LYST: variants seen among roughly 807,000 people sequenced by gnomAD.
LYST encodes lysosomal-trafficking regulator.
Under a neutral mutation model 413.6 loss-of-function variants are expected in LYST, and 192 were observed. That is an observed-to-expected ratio of 0.46 (90% confidence interval 0.41 to 0.52). The LOEUF (loss-of-function observed/expected upper bound fraction) is 0.52. Among genes scored for constraint, LYST ranks in the 20% least tolerant of loss-of-function variants. LYST has a pLI of 0.00. For synonymous variants in LYST, 1,525 were observed against 1,567.3 expected (o/e 0.97, Z 0.64); for missense variants, 3,815 against 4,499.9 (o/e 0.85, Z 4.35).
At chr1:235,689,090 G>C (rs1668816948) in intron 47 of LYST, among the ~76,000 whole-genome samples, 2 of 150,798 alleles carry the variant, frequency 1.3e-5, no homozygotes, top group East Asian at 1.9e-4. Flanking sequence ...AGAATTAATG[G>C]GTGAACAAAA....
At chr1:235,881,845 C>T (rs1489286583) in intron 1 of LYST, among the ~76,000 whole-genome samples, 1 of 151,840 alleles carries the variant, frequency 6.6e-6, no homozygotes, top group East Asian at 1.9e-4. Flanking sequence ...GAATGGTGGT[C>T]GCCAGAAGCT....
At chr1:235,861,708 TG>T (rs1679897292) in intron 1 of LYST, among the ~76,000 whole-genome samples, 1 of 152,194 alleles carries the variant, frequency 6.6e-6, no homozygotes, top group Non-Finnish European at 1.5e-5. Flanking sequence ...TTGCCCAGGC[TG>T]GACTCGAACC....
chr1:235,715,278 T>TGGGAG lies in LYST; in HGVS notation c.9702_9706dup (p.His3236ProfsTer25). ...AAGCACAGTGCCGCTATTGGAATAGTGGGAGCCATAGTGATAGGGCTGCAC... is the reference window on the plus strand; with the variant it reads ...AAGCACAGTGCCGCTATTGGAATAGTGGGAGGGGAGCCATAGTGATAGGGCTGCAC... On this transcript the variant is annotated frameshift_variant, in exon 42 of 53. Coordinates refer to ENST00000389793, the MANE Select transcript of LYST (RefSeq NM_000081.4). LOFTEE classifies it high-confidence loss of function. 1 of 1,613,662 alleles carries TGGGAG rather than the reference T, an allele frequency of 6.2e-7. No individual in the cohort carries two copies. Among genetic ancestry groups the TGGGAG allele is most frequent in the Non-Finnish European group, 8.5e-7 (1 of 1,179,618 alleles).
At chr1:235,770,066 AGTCCCATTG>A in intron 20 of LYST, 85 bp downstream of exon 20, 1 of 1,133,692 alleles carries the variant, frequency 8.8e-7, no homozygotes, top group Non-Finnish European at 1.3e-6. Flanking sequence ...AAAGAAAAAA[AGTCCCATTG>A]AAAGTGCCAC....
At position 235,800,323 on chromosome 1, in the gene LYST, GA is replaced by G; in HGVS notation, c.4002del (p.Gln1335LysfsTer14). Reference protein sequence around the residue: ...LSILTQDDSDFQACQRVLVDL... With the variant: ...LSILTQDDSDXQACQRVLVDL... ...GTTTAAAACAGTTTCAACTTACCTT[GA>G]AAATCAGAATCATCCTGTGTTAAAA... On this transcript the variant is annotated frameshift_variant, in exon 10 of 53. Coordinates refer to ENST00000389793, the MANE Select transcript of LYST (RefSeq NM_000081.4). LOFTEE classifies it high-confidence loss of function. 2 of 1,572,924 alleles carry G rather than the reference GA, an allele frequency of 1.3e-6. No individual in the cohort carries two copies. Among genetic ancestry groups the G allele is most frequent in the Non-Finnish European group, 1.7e-6 (2 of 1,142,952 alleles).
In LYST at chr1:235,706,207, C is replaced by T. The variant is rs76603874; in HGVS notation, c.10143+2884G>A. ...TTTAGGACACACAACCCCAAAATTT[C>T]GTACCCTGGCATACTGAAGGAATCT... is the stretch of plus-strand genomic sequence containing the variant. On this transcript the variant is annotated intron_variant, in intron 44 of 52. Transcript: ENST00000389793. Among the ~76,000 whole-genome samples the T allele has an allele frequency of 2.6e-3, 400 of 152,268 alleles. 2 individuals are homozygous for T. The highest frequency in any genetic ancestry group is 9.1e-3 in the African/African-American group (377 of 41,550).
At chr1:235,875,468 T>C (rs1161442752) in intron 1 of LYST, among the ~76,000 whole-genome samples, 1 of 152,178 alleles carries the variant, frequency 6.6e-6, no homozygotes, top group Non-Finnish European at 1.5e-5. Flanking sequence ...TAACACAATA[T>C]TCTGACTCTC....
chr1:235,686,902 C>G lies in LYST; in HGVS notation c.10800+47G>C. 1.5e-6 allele frequency: 2 copies of G among 1,347,340 alleles called. No individual in the cohort carries two copies. The highest frequency in any genetic ancestry group is 2.1e-6 in the Non-Finnish European group (2 of 936,474). 83.5% of individuals were successfully genotyped at this position (1,347,340 alleles called of 1,614,324 possible). A position where few individuals can be genotyped will look rare whatever the true frequency, so the allele number is the denominator to read the frequency against. ...TATACTTCATAAAGGCTTTCTTCCCCTCATTGACAAAGTCCCATACTACCC... is the reference window on the plus strand; with the variant it reads ...TATACTTCATAAAGGCTTTCTTCCCGTCATTGACAAAGTCCCATACTACCC... On this transcript the variant is annotated intron_variant, in intron 48 of 52. Coordinates refer to ENST00000389793, the MANE Select transcript of LYST (RefSeq NM_000081.4). This position sits in a 1 kb window ranked among gnomAD's most constrained non-coding sequence, Gnocchi z 4.0.
chr1:235,738,612 A>T, intron 31 of LYST: 1 of 1,608,698 alleles, frequency 6.2e-7, no homozygotes, highest in Non-Finnish European at 8.5e-7. Context: ...GAGTAAAGCA[A>T]ATGTTACTGG....
intron 45 of LYST, among the ~76,000 whole-genome samples, chr1:235,702,328 G>A (rs1277580024): frequency 6.6e-6 from 1 of 152,250 alleles, no homozygotes; most frequent in East Asian, 1.9e-4. Context: ...CAAAACATCC[G>A]CATCACTGGT....
chr1:235,799,385 C>T (rs186148683), intron 10 of LYST, among the ~76,000 whole-genome samples: 121 of 152,236 alleles, frequency 7.9e-4, no homozygotes, highest in Admixed American at 1.8e-3. Context: ...AAAATAGTAA[C>T]TTTACAATAG....
In LYST at chr1:235,715,381, G is replaced by A. The variant is rs755421451; in HGVS notation, c.9628-24C>T. 2.5e-6 allele frequency: 4 copies of A among 1,612,558 alleles called. No individual in the cohort carries two copies. In the South Asian group the frequency reaches 4.4e-5, roughly 18 times the overall value. ...TACTGAAAGAAACGGTGAATCCAGA[G>A]AATTCATGATTGTGGGCTCCAGGCA... On this transcript the variant is annotated intron_variant, in intron 41 of 52. Transcript: ENST00000389793.
At position 235,715,313 on chromosome 1, in the gene LYST, G is replaced by A; in HGVS notation, c.9672C>T (p.Pro3224=). The change falls in exon 42 of 53, where the codon CCC becomes CCT. Residue 3224 remains proline (P), a synonymous_variant. Transcript: ENST00000389793. ...EYRKGAREDD[P]MPPVQPYHYG... is the part of the protein sequence containing the mutation. ...AGTGATAGGGCTGCACGGGAGGCAT[G>A]GGGTCATCTTCTCTGGCTCCTTTGC... 3 of 1,613,972 alleles carry A rather than the reference G, an allele frequency of 1.9e-6. No homozygotes were observed. Among genetic ancestry groups the A allele is most frequent in the Non-Finnish European group, 2.5e-6 (3 of 1,179,896 alleles).
At chr1:235,840,739 T>C (rs1401512141) in intron 1 of LYST, among the ~76,000 whole-genome samples, 1 of 152,182 alleles carries the variant, frequency 6.6e-6, no homozygotes, top group Non-Finnish European at 1.5e-5. Context: ...GAAGACACAT[T>C]TTATGGAGAA....
chr1:235,838,636 T>C (rs986965003), intron 1 of LYST, among the ~76,000 whole-genome samples: 7 of 152,244 alleles, frequency 4.6e-5, no homozygotes, highest in African/African-American at 1.7e-4. Context: ...CACAGGCTTC[T>C]ACAAGTTTTC....
chr1:235,860,029 G>A (rs1679675005), intron 1 of LYST, among the ~76,000 whole-genome samples: 3 of 152,084 alleles, frequency 2.0e-5, no homozygotes, highest in Non-Finnish European at 4.4e-5. Flanking sequence ...TAAGCACTTG[G>A]CAAGCTGGTC....
intron 23 of LYST, 97 bp downstream of exon 23, chr1:235,758,875 T>G: frequency 9.8e-7 from 1 of 1,024,394 alleles, no homozygotes; most frequent in African/African-American, 1.6e-5. Flanking sequence ...GTTTGTTGTA[T>G]TATAAGTGGC....
At chr1:235,725,724 T>C (rs1276926026) in intron 38 of LYST, among the ~76,000 whole-genome samples, 2 of 152,100 alleles carry the variant, frequency 1.3e-5, no homozygotes, top group Admixed American at 6.5e-5. Context: ...CCCCACTCAC[T>C]AAATGTAAGC....
At chr1:235,750,563 A>G (rs1666386659) in intron 28 of LYST, among the ~76,000 whole-genome samples, 1 of 152,148 alleles carries the variant, frequency 6.6e-6, no homozygotes, top group African/African-American at 2.4e-5. Flanking sequence ...ATGCATATTT[A>G]TCCACTATGT....
Sources: allele counts gnomAD v4.1 joint callset (sites outside exome capture counted in the v4.1 genomes callset), GRCh38; gene constraint gnomAD v4.1.1; non-coding constraint Gnocchi (gnomAD v3.1); transcripts MANE v1.5; gene names NCBI Gene and HGNC (gene_info 2026-07-23, HGNC 2026-07-21).